EIF5A: variants seen among roughly 807,000 people sequenced by gnomAD.
The protein encoded by EIF5A is eukaryotic translation initiation factor 5A-1.
EIF5A carries 1 observed loss-of-function variant against 16.6 expected under a neutral mutation model. The observed-to-expected ratio is 0.06, with a 90% CI of 0.02 to 0.28. The LOEUF (loss-of-function observed/expected upper bound fraction) is 0.28, where lower values mean the gene tolerates loss of function less well. Among genes scored for constraint, EIF5A ranks in the 10% least tolerant of loss-of-function variants. The pLI is 1.00. For synonymous variants in EIF5A, 80 were observed against 73.6 expected, an observed-to-expected ratio of 1.09 and a Z score of -0.44; for missense variants, 29 against 196.1, an observed-to-expected ratio of 0.15 and a Z score of 5.09.
Position 7,312,215 on chromosome 17 carries a change from C to A in EIF5A, c.*405C>A. On this transcript the variant is annotated 3_prime_UTR_variant, in exon 6 of 6. Transcript: ENST00000336458. ...TCATCCCTGGTCTGGTCCCCTGTTG[C>A]CTATAGCCCTTTACCCTGAGCACCA... The A allele has an allele frequency of 5.7e-6, 1 of 174,444 alleles. No individual in the cohort carries two copies. The highest frequency in any genetic ancestry group is 1.4e-5 in the Non-Finnish European group (1 of 73,328). 10.8% of individuals were successfully genotyped at this position (174,444 alleles called of 1,614,324 possible). A position where few individuals can be genotyped will look rare whatever the true frequency, so the allele number is the denominator to read the frequency against.
Position 7,308,403 on chromosome 17 carries a change from A to G in EIF5A, c.-22+651A>G. 7 of 1,259,002 alleles carry G rather than the reference A, an allele frequency of 5.6e-6. No individual in the cohort carries two copies. The South Asian group carries it at 7.8e-5, about 14-fold the overall frequency. 78.0% of individuals were successfully genotyped at this position (1,259,002 alleles called of 1,614,324 possible). A position where few individuals can be genotyped will look rare whatever the true frequency, so the allele number is the denominator to read the frequency against. ...CCGGCAGCCCCTAGCGCGGGGAGCT[A>G]GTCCTCGCGGGGGTTCCGAGGGGGC... is the stretch of plus-strand genomic sequence containing the variant. On this transcript the variant is annotated intron_variant, in intron 1 of 5. Transcript: ENST00000336458.
At chr17:7,310,546 G>C (rs1555537531) in intron 2 of EIF5A, 3 of 1,092,776 alleles carry the variant, frequency 2.7e-6, no homozygotes, top group Non-Finnish European at 3.4e-6. Flanking sequence ...TGCTCTTCTG[G>C]CTTCCTTATT....
At chr17:7,310,386 C>G (rs1430712752) in intron 2 of EIF5A, 2 of 1,194,638 alleles carry the variant, frequency 1.7e-6, no homozygotes, top group Non-Finnish European at 2.1e-6. Context: ...TAGCACTTCC[C>G]TCATCACCTC....
intron 3 of EIF5A, 79 bp from the exon 4 acceptor site, chr17:7,311,270 GT>G (rs2072818783): frequency 6.2e-7 from 1 of 1,608,318 alleles, no homozygotes; most frequent in East Asian, 2.2e-5. Context: ...TATCAGTCCA[GT>G]TTGTCTATCA....
intron 1 of EIF5A, among the ~76,000 whole-genome samples, chr17:7,309,012 T>C (rs184469958): frequency 1.3e-5 from 2 of 152,230 alleles, no homozygotes; most frequent in Admixed American, 6.5e-5. Flanking sequence ...AGGGGGATCA[T>C]TTCGGAAACA....
chr17:7,310,319 C>T lies in EIF5A; in HGVS notation c.165+519C>T, dbSNP rs967966842. On this transcript the variant is annotated intron_variant, in intron 2 of 5. Transcript: ENST00000336458. ...ATCAAACTGCCCCTACCTGCCCCAT[C>T]CCACTCTCCTTGGGTTCCTTGAGCC... is the stretch of plus-strand genomic sequence containing the variant. 1.1e-5 allele frequency: 14 copies of T among 1,271,826 alleles called. No individual in the cohort carries two copies. The Admixed American group carries it at 2.0e-4, about 18-fold the overall frequency. 78.8% of individuals were successfully genotyped at this position (1,271,826 alleles called of 1,614,324 possible).
intron 1 of EIF5A, among the ~76,000 whole-genome samples, chr17:7,308,828 T>A (rs946479451): frequency 2.6e-5 from 4 of 152,166 alleles, no homozygotes; most frequent in Non-Finnish European, 5.9e-5. Flanking sequence ...TACCAACCTT[T>A]TGCTTTCATT....
chr17:7,311,238 A>C (rs1370973139), intron 3 of EIF5A, 112 bp from the exon 4 acceptor site: 1 of 1,581,520 alleles, frequency 6.3e-7, no homozygotes, highest in Non-Finnish European at 8.6e-7. Flanking sequence ...ATGGCAGGAG[A>C]GGGTGTTTGG....
chr17:7,312,226 TTACCCTG>T lies in EIF5A; in HGVS notation c.*417_*423del, dbSNP rs2072853703. 2 of 178,384 alleles carry T rather than the reference TTACCCTG, an allele frequency of 1.1e-5. No homozygotes were observed. The highest frequency in any genetic ancestry group is 2.7e-5 in the Non-Finnish European group (2 of 75,312). 11.1% of individuals were successfully genotyped at this position (178,384 alleles called of 1,614,324 possible). A position where few individuals can be genotyped will look rare whatever the true frequency, so the allele number is the denominator to read the frequency against. ...CTGGTCCCCTGTTGCCTATAGCCCT[TTACCCTG>T]AGCACCACCCCAACAGACTGGGGAC... On this transcript the variant is annotated 3_prime_UTR_variant, in exon 6 of 6. Transcript: ENST00000336458.
chr17:7,307,351 G>A (rs1305096686), upstream of EIF5A: 2 of 1,236,850 alleles, frequency 1.6e-6, no homozygotes, highest in African/African-American at 1.5e-5. Context: ...GGACTGCCCG[G>A]TAGGACGAGC....
At chr17:7,308,149 G>A in intron 1 of EIF5A, 2 of 900,242 alleles carry the variant, frequency 2.2e-6, no homozygotes, top group Non-Finnish European at 2.7e-6. Context: ...AGGGCATGAT[G>A]GGGGGGGTTG....
upstream of EIF5A, chr17:7,307,082 G>A (rs1332051951): frequency 1.2e-6 from 2 of 1,603,902 alleles, no homozygotes; most frequent in Non-Finnish European, 1.7e-6. Context: ...CCAAGACAAG[G>A]CGCCCACCCC....
At chr17:7,308,423 G>T in intron 1 of EIF5A, 1 of 1,301,636 alleles carries the variant, frequency 7.7e-7, no homozygotes, top group East Asian at 5.3e-5. Context: ...GGGGTTCCGA[G>T]GGGGCCTGAG....
chr17:7,311,603 A>C lies in EIF5A; in HGVS notation c.428A>C (p.Glu143Ala). 1 of 1,614,182 alleles carries C rather than the reference A, an allele frequency of 6.2e-7. No individual in the cohort carries two copies. Among genetic ancestry groups the C allele is most frequent in the Non-Finnish European group, 8.5e-7 (1 of 1,180,040 alleles). Residue 143 changes from glutamate (E) to alanine (A), a missense_variant, in exon 5 of 6, where the codon GAG becomes GCG. Coordinates refer to ENST00000336458, the MANE Select transcript of EIF5A (RefSeq NM_001970.5). ...ILITVLSAMTEEAAVAIKAMA... is the reference protein window; with the variant it reads ...ILITVLSAMTAEAAVAIKAMA... The stretch of plus-strand genomic sequence containing the variant: ...ATCACGGTGCTGTCTGCCATGACAG[A>C]GGAGGCAGCTGTTGCAATCAAGGCC...
rs757712558 is a variant in EIF5A, at chr17:7,309,620, A to T, written c.-16A>T. 2.5e-6 allele frequency: 4 copies of T among 1,614,156 alleles called. No individual in the cohort carries two copies. The highest frequency in any genetic ancestry group is 1.1e-5 in the South Asian group (1 of 91,088). Reference sequence around the variant, plus strand: ...AGTTCTCTTCTTGGCTCTAGTTGGAATCGAAGCCTCTTAAAATGGCAGATG... The same window carrying T: ...AGTTCTCTTCTTGGCTCTAGTTGGATTCGAAGCCTCTTAAAATGGCAGATG... On this transcript the variant is annotated 5_prime_UTR_variant, in exon 2 of 6. Coordinates refer to ENST00000336458, the MANE Select transcript of EIF5A (RefSeq NM_001970.5).
chr17:7,310,220 C>G, intron 2 of EIF5A: 1 of 1,290,638 alleles, frequency 7.7e-7, no homozygotes, highest in Non-Finnish European at 1.0e-6. Context: ...ACTCCTGCGT[C>G]AATTCTGAGC....
chr17:7,308,071 G>T (rs2072681026), intron 1 of EIF5A: 1 of 992,526 alleles, frequency 1.0e-6, no homozygotes, highest in Non-Finnish European at 1.2e-6. Context: ...CGGGGCAAGG[G>T]TACCTGGGCC....
intron 1 of EIF5A, 82 bp downstream of exon 1, chr17:7,307,834 G>A (rs1372564744): frequency 4.1e-6 from 4 of 985,000 alleles, no homozygotes; most frequent in South Asian, 4.4e-5. Context: ...TCGGGGAGGG[G>A]GCAGAGGGGA....
intron 1 of EIF5A, chr17:7,308,505 G>A (rs770442657): frequency 1.3e-5 from 17 of 1,351,114 alleles, no homozygotes; most frequent in Middle Eastern, 2.1e-4. Context: ...ATATGTTAGC[G>A]CTTCCCAACC....
Sources: allele counts gnomAD v4.1 joint callset (sites outside exome capture counted in the v4.1 genomes callset), GRCh38; gene constraint gnomAD v4.1.1; transcripts MANE v1.5; gene names NCBI Gene and HGNC (gene_info 2026-07-23, HGNC 2026-07-21).